EIF4G1: variants seen among roughly 807,000 people sequenced by gnomAD.
EIF4G1 encodes the protein eukaryotic translation initiation factor 4 gamma 1.
Under a neutral mutation model 187.8 loss-of-function variants are expected in EIF4G1, and 4 were observed. The ratio of observed to expected loss-of-function variants is 0.02; its 90% confidence interval spans 0.01 to 0.05. The LOEUF (loss-of-function observed/expected upper bound fraction) is 0.05. Among genes scored for constraint, EIF4G1 ranks in the 10% least tolerant of loss-of-function variants. EIF4G1 has a pLI of 1.00. For synonymous variants in EIF4G1, 844 were observed against 781.4 expected, an observed-to-expected ratio of 1.08 and a Z score of -1.34; for missense variants, 1,647 against 2,081.1, an observed-to-expected ratio of 0.79 and a Z score of 4.06.
intron 9 of EIF4G1, 39 bp downstream of exon 9, chr3:184,321,032 G>A: frequency 6.2e-7 from 1 of 1,607,118 alleles, no homozygotes; most frequent in Non-Finnish European, 8.5e-7. Flanking sequence ...ATGGGGAAAG[G>A]GAATGTTAAC....
chr3:184,327,774 CGGGGTCT>C (rs1560225723), intron 25 of EIF4G1, 49 bp from the exon 26 acceptor site: 14 of 1,613,668 alleles, frequency 8.7e-6, no homozygotes, highest in Non-Finnish European at 1.1e-5. Flanking sequence ...CATAGGGGTC[CGGGGTCT>C]GGGTCAGACA....
Position 184,323,344 on chromosome 3 carries a change from G to T in EIF4G1, c.2089-64G>T. On this transcript the variant is annotated intron_variant, in intron 14 of 32. Transcript: ENST00000346169. This position sits in a 1 kb window ranked among gnomAD's most constrained non-coding sequence, Gnocchi z 6.9. Reference sequence around the variant, plus strand: ...GGGTTTGCCCTGGAGGCGTGTAGTAGTGGTGTCACATATTGTGCTGACTAG... The same window carrying T: ...GGGTTTGCCCTGGAGGCGTGTAGTATTGGTGTCACATATTGTGCTGACTAG... 12 of 1,612,338 alleles carry T rather than the reference G, an allele frequency of 7.4e-6. No homozygotes were observed. The highest frequency in any genetic ancestry group is 1.0e-5 in the Non-Finnish European group (12 of 1,178,828).
At position 184,327,269 on chromosome 3, in the gene EIF4G1, T is replaced by A. The variant is rs763313612; in HGVS notation, c.3482T>A (p.Leu1161Gln). 1 of 1,613,634 alleles carries A rather than the reference T, an allele frequency of 6.2e-7. No homozygotes were observed. Among genetic ancestry groups the A allele is most frequent in the South Asian group, 1.1e-5 (1 of 91,050 alleles). Residue 1161 changes from leucine to glutamine, a missense_variant, in exon 24 of 33, where the codon CTA becomes CAA. By Grantham distance (113) the Leu-to-Gln change is moderately radical (BLOSUM62 -2). Coordinates refer to ENST00000346169, the MANE Select transcript of EIF4G1 (RefSeq NM_198241.3). The part of the protein sequence containing the change: ...GEKAGDRGDR[L>Q]ERSERGGDRG... ...AAAGCTGGAGACCGAGGAGACCGCC[T>A]AGAGCGGAGTGAACGGGGAGGGGAC...
rs141776790 is a variant in EIF4G1 at position 184,331,330 on chromosome 3, A to C, written c.4226A>C (p.Glu1409Ala). 4 of 1,614,100 alleles carry C rather than the reference A, an allele frequency of 2.5e-6. No individual in the cohort carries two copies. The African/African-American group carries it at 5.3e-5, about 22-fold the overall frequency. ...CTTAGCTGGAAGGAATTTCTACCTG[A>C]AGGCCAGGACATTGGTGCATTCGTC... ...AGLSWKEFLP[E>A]GQDIGAFVAE... The change falls in exon 29 of 33, where the codon GAA becomes GCA. Residue 1409 changes from glutamate to alanine, a missense_variant. By Grantham distance (107) the Glu-to-Ala change is moderately radical. This residue lies in a region of EIF4G1 where 543 missense variants were observed against 638.0 expected (regional missense o/e 0.85). Transcript: ENST00000346169.
At chr3:184,317,070 T>G (rs762884177) in intron 4 of EIF4G1, among the ~76,000 whole-genome samples, 5 of 152,104 alleles carry the variant, frequency 3.3e-5, no homozygotes, top group Non-Finnish European at 5.9e-5. Context: ...AGAGGTGACG[T>G]GTGTATGCAT....
At chr3:184,316,787 AC>A in intron 4 of EIF4G1, 1 of 1,560,192 alleles carries the variant, frequency 6.4e-7, no homozygotes, top group South Asian at 1.1e-5. Context: ...CTTACCCTCC[AC>A]CCTAGTCAGG....
In EIF4G1 at chr3:184,327,569, G is replaced by C. The variant is rs149970065; in HGVS notation, c.3662-17G>C. 3.8e-4 allele frequency: 617 copies of C among 1,613,688 alleles called. 2 individuals carry two copies. In the African/African-American group the frequency reaches 7.2e-3, roughly 19 times the overall value. On this transcript the variant is annotated splice_polypyrimidine_tract_variant and intron_variant, in intron 24 of 32. Transcript: ENST00000346169. ...GAAGACTGAAAAGTCCCTCTAATCTGTGTTCTCTTCCCACAGTGAAGCGAG... is the reference window on the plus strand; with the variant it reads ...GAAGACTGAAAAGTCCCTCTAATCTCTGTTCTCTTCCCACAGTGAAGCGAG...
At position 184,327,868 on chromosome 3, in the gene EIF4G1, C is replaced by G; in HGVS notation, c.3819C>G (p.Ser1273=). 6.2e-7 allele frequency: 1 copy of G among 1,614,000 alleles called. No individual in the cohort carries two copies. Among genetic ancestry groups the G allele is most frequent in the Non-Finnish European group, 8.5e-7 (1 of 1,180,032 alleles). The change falls in exon 26 of 33, where the codon TCC becomes TCG. Residue 1273 remains serine, a synonymous_variant. Coordinates refer to ENST00000346169, the MANE Select transcript of EIF4G1 (RefSeq NM_198241.3). ...VQCVQELASP[S]LLFIFVRHGV... ...GCGTGCAGGAGCTGGCCTCACCCTCCTTGCTCTTCATCTTTGTACGGCATG... is the reference window on the plus strand; with the variant it reads ...GCGTGCAGGAGCTGGCCTCACCCTCGTTGCTCTTCATCTTTGTACGGCATG...
At chr3:184,332,152 C>T (rs1726235627) in intron 32 of EIF4G1, 66 bp downstream of exon 32, 38 of 1,609,470 alleles carry the variant, frequency 2.4e-5, no homozygotes, top group Non-Finnish European at 3.1e-5. Flanking sequence ...GCATGAGACC[C>T]TTCATGGAAG....
Position 184,330,248 on chromosome 3 carries a change from G to A in EIF4G1, c.4162-1018G>A, listed in dbSNP as rs554532437. 1.8e-3 allele frequency among the ~76,000 whole-genome samples: 275 copies of A among 152,230 alleles called. 1 individual carries two copies. Among genetic ancestry groups the A allele is most frequent in the Middle Eastern group, 6.8e-3 (2 of 294 alleles). ...AAAAAAATTAGCTGGACATGGTGGT[G>A]CGCACCTGTAGTCCCAGCTACTTGG... On this transcript the variant is annotated intron_variant, in intron 28 of 32. Transcript: ENST00000346169.
intron 21 of EIF4G1, 104 bp downstream of exon 21, chr3:184,326,055 T>C: frequency 8.0e-7 from 1 of 1,257,024 alleles, no homozygotes; most frequent in Non-Finnish European, 1.2e-6. Flanking sequence ...CCTCTTAGAC[T>C]AACTGGTTGG....
intron 6 of EIF4G1, 68 bp downstream of exon 6, chr3:184,317,884 C>T (rs987329186): frequency 1.3e-5 from 16 of 1,216,898 alleles, no homozygotes; most frequent in Middle Eastern, 3.8e-4. Context: ...CTGCTGATTT[C>T]TAAAGCAGAA....
intron 9 of EIF4G1, 66 bp from the exon 10 acceptor site, chr3:184,321,216 A>G (rs1289737508): frequency 3.1e-6 from 5 of 1,600,434 alleles, no homozygotes; most frequent in Admixed American, 1.7e-5. Flanking sequence ...GGGCTGGAGG[A>G]TGGGGAGGAA....
chr3:184,333,985 G>A (rs1704234842), intron 32 of EIF4G1, among the ~76,000 whole-genome samples: 1 of 152,158 alleles, frequency 6.6e-6, no homozygotes, highest in Non-Finnish European at 1.5e-5. Context: ...TTTGAGGCTG[G>A]GCATGCCCTG....
chr3:184,321,317 C>A lies in EIF4G1; in HGVS notation c.733C>A (p.Pro245Thr), dbSNP rs748298511. The change falls in exon 10 of 33, where the codon CCA (proline) becomes ACA (threonine). Residue 245 changes from proline to threonine, a missense_variant. Pro to Thr is a conservative substitution (Grantham distance 38). Coordinates refer to ENST00000346169, the MANE Select transcript of EIF4G1 (RefSeq NM_198241.3). ...RSQGAIIADRPGLPGPEHSPS... is the reference protein window; with the variant it reads ...RSQGAIIADRTGLPGPEHSPS... Reference sequence around the variant, plus strand: ...ACAGGGAGCAATCATTGCTGACCGGCCAGGGCTGCCTGGCCCAGAGCATAG... The same window carrying A: ...ACAGGGAGCAATCATTGCTGACCGGACAGGGCTGCCTGGCCCAGAGCATAG... The A allele has an allele frequency of 6.2e-7, 1 of 1,614,120 alleles. No individual in the cohort carries two copies. Among genetic ancestry groups the A allele is most frequent in the South Asian group, 1.1e-5 (1 of 91,086 alleles).
intron 26 of EIF4G1, chr3:184,328,345 C>G: frequency 8.0e-6 from 4 of 497,540 alleles, no homozygotes; most frequent in Non-Finnish European, 1.1e-5. Context: ...GAGCCGAGAT[C>G]GTGCCATTGC....
intron 7 of EIF4G1, chr3:184,320,318 A>AT: frequency 7.7e-7 from 1 of 1,299,424 alleles, no homozygotes; most frequent in South Asian, 1.6e-5. Context: ...TGGGTTCTAG[A>AT]TGGGGGTCCT....
rs778287058 is a variant in EIF4G1 at position 184,315,483 on chromosome 3, C to T, written c.-91-6C>T. ...CCAGGTTGATACCCTCACCTCCCAA[C>T]CCCAGGCCCTCGGATGCCCAGAACC... On this transcript the variant is annotated splice_polypyrimidine_tract_variant and splice_region_variant and intron_variant, in intron 1 of 32. Coordinates refer to ENST00000346169, the MANE Select transcript of EIF4G1 (RefSeq NM_198241.3). The T allele has an allele frequency of 7.8e-6, 5 of 644,490 alleles. No homozygotes were observed. The highest frequency in any genetic ancestry group is 1.8e-5 in the African/African-American group (1 of 56,152). 39.9% of individuals were successfully genotyped at this position (644,490 alleles called of 1,614,324 possible).
chr3:184,323,626 A>C lies in EIF4G1; in HGVS notation c.2274+33A>C, dbSNP rs760395964. 6.2e-7 allele frequency: 1 copy of C among 1,613,238 alleles called. No homozygotes were observed. Among genetic ancestry groups the C allele is most frequent in the Non-Finnish European group, 8.5e-7 (1 of 1,179,928 alleles). ...CAAGTCCTGCTTTTGGTCTCTCTCC[A>C]TTTCTTCTCCAGGTCTGCCATCTGT... is the stretch of plus-strand genomic sequence containing the variant. On this transcript the variant is annotated intron_variant, in intron 15 of 32. Coordinates refer to ENST00000346169, the MANE Select transcript of EIF4G1 (RefSeq NM_198241.3). This position sits in a 1 kb window ranked among gnomAD's most constrained non-coding sequence, Gnocchi z 6.9.
Sources: allele counts gnomAD v4.1 joint callset (sites outside exome capture counted in the v4.1 genomes callset), GRCh38; gene constraint gnomAD v4.1.1; regional missense constraint gnomAD v4.1.1; non-coding constraint Gnocchi (gnomAD v3.1); transcripts MANE v1.5; gene names NCBI Gene and HGNC (gene_info 2026-07-23, HGNC 2026-07-21).